DNTT: variants seen among roughly 807,000 people sequenced by gnomAD.
DNTT encodes the protein DNA nucleotidylexotransferase.
A neutral mutation model predicts 60.9 loss-of-function variants in DNTT; 47 were observed. The observed-to-expected ratio is 0.77, with a 90% CI of 0.61 to 0.98. The LOEUF (loss-of-function observed/expected upper bound fraction) is 0.98, where lower values mean the gene tolerates loss of function less well. Ranked by LOEUF, DNTT falls within the 50% of genes least tolerant of loss-of-function variation. The pLI is 0.00. For missense variants in DNTT, 665 were observed against 627.5 expected (o/e 1.06, Z -0.64); for synonymous variants, 224 against 221.2 (o/e 1.01, Z -0.11).
intron 1 of DNTT, among the ~76,000 whole-genome samples, chr10:96,314,636 T>A (rs888244558): frequency 2.6e-5 from 4 of 151,652 alleles, no homozygotes; most frequent in African/African-American, 9.7e-5. Context: ...ATGGTCTTGA[T>A]CTCCTGACCT....
intron 1 of DNTT, among the ~76,000 whole-genome samples, chr10:96,313,647 A>C (rs1844748000): frequency 6.6e-6 from 1 of 152,142 alleles, no homozygotes; most frequent in Non-Finnish European, 1.5e-5. Context: ...ATATGTGCAC[A>C]TGTGTGTATG....
At chr10:96,311,685 C>T (rs1844715939) in intron 1 of DNTT, among the ~76,000 whole-genome samples, 1 of 152,176 alleles carries the variant, frequency 6.6e-6, no homozygotes, top group African/African-American at 2.4e-5. Context: ...GCTCTATCAC[C>T]CAGGCTGGAG....
At chr10:96,331,382 T>C (rs1266014397) in intron 8 of DNTT, among the ~76,000 whole-genome samples, 4 of 152,178 alleles carry the variant, frequency 2.6e-5, no homozygotes. Context: ...TGGCCCATGG[T>C]TCTGCAGGAT....
Position 96,320,696 on chromosome 10 carries a change from T to G in DNTT, c.586T>G (p.Ser196Ala). The G allele has an allele frequency of 6.2e-7, 1 of 1,613,834 alleles. No individual in the cohort carries two copies. Among genetic ancestry groups the G allele is most frequent in the Non-Finnish European group, 8.5e-7 (1 of 1,179,810 alleles). The change falls in exon 4 of 11, where the codon TCT (serine) becomes GCT (alanine). Residue 196 changes from serine to alanine, a missense_variant. Transcript: ENST00000371174. ...CTGTGTGACATTTATGAGAGCAGCTTCTGTATTGAAATCTCTGCCATTCAC... is the reference window on the plus strand; with the variant it reads ...CTGTGTGACATTTATGAGAGCAGCTGCTGTATTGAAATCTCTGCCATTCAC... ...DSCVTFMRAA[S>A]VLKSLPFTII...
At chr10:96,314,522 T>C (rs1282221000) in intron 1 of DNTT, among the ~76,000 whole-genome samples, 2 of 149,128 alleles carry the variant, frequency 1.3e-5, no homozygotes, top group Non-Finnish European at 1.5e-5. Flanking sequence ...AAGTGATTCT[T>C]CTGCCTCAGC....
At chr10:96,304,888 T>A (rs538029055) in intron 1 of DNTT, among the ~76,000 whole-genome samples, 188 bp downstream of exon 1, 1 of 152,354 alleles carries the variant, frequency 6.6e-6, no homozygotes, top group African/African-American at 2.4e-5. Context: ...AATACAATTA[T>A]ATTGAAACTA....
Position 96,319,394 on chromosome 10 carries a change from A to C in DNTT, c.507+4A>C. 1.9e-6 allele frequency: 3 copies of C among 1,613,560 alleles called. No homozygotes were observed. Among genetic ancestry groups the C allele is most frequent in the Non-Finnish European group, 2.5e-6 (3 of 1,179,600 alleles). On this transcript the variant is annotated splice_donor_region_variant and intron_variant, in intron 3 of 10. Coordinates refer to ENST00000371174, the MANE Select transcript of DNTT (RefSeq NM_004088.4). The stretch of plus-strand genomic sequence containing the variant: ...CAACTGTAACCAGATATTCACGGTA[A>C]CGGGACTTTACATCAACACCCAGGG...
rs774258749 is a variant in DNTT at position 96,304,515 on chromosome 10, G to A, written c.18G>A (p.Ala6=). 1.7e-5 allele frequency: 27 copies of A among 1,613,816 alleles called. No homozygotes were observed. Among genetic ancestry groups the A allele is most frequent in the East Asian group, 8.9e-5 (4 of 44,868 alleles). The change falls in exon 1 of 11, where the codon GCG becomes GCA. Residue 6 remains alanine (A), a synonymous_variant. Transcript: ENST00000371174. MDPPR[A]SHLSPRKKRP... ...CTCTTCCCATGGATCCACCACGAGC[G>A]TCCCACTTGAGCCCTCGGAAGAAGA...
Position 96,314,402 on chromosome 10 carries a change from C to T in DNTT, c.204-3950C>T, listed in dbSNP as rs12220986. On this transcript the variant is annotated intron_variant, in intron 1 of 10. Transcript: ENST00000371174. ...TAACATTTCCAAGGCTATCTCTTCC[C>T]TTTTTTTTTTTTTTTTTTTTTTTTT... Among the ~76,000 whole-genome samples, 107 of 53,206 alleles carry T rather than the reference C, an allele frequency of 2.0e-3. 1 individual carries two copies. The East Asian group carries it at 0.022, about 11-fold the overall frequency. The allele number at this position is 53,206 out of a possible 152,430, so 34.9% of individuals were successfully genotyped here. A position where few individuals can be genotyped will look rare whatever the true frequency, so the allele number is the denominator to read the frequency against.
chr10:96,333,860 C>A (rs545551649), intron 9 of DNTT, among the ~76,000 whole-genome samples: 3 of 152,270 alleles, frequency 2.0e-5, no homozygotes, highest in African/African-American at 7.2e-5. Context: ...AAAGGGTCAA[C>A]AAGTACAAAG....
Position 96,318,472 on chromosome 10 carries a change from C to T in DNTT, c.324C>T (p.Ile108=), listed in dbSNP as rs545054513. 20 of 1,613,766 alleles carry T rather than the reference C, an allele frequency of 1.2e-5. No individual in the cohort carries two copies. The highest frequency in any genetic ancestry group is 3.3e-4 in the Middle Eastern group (2 of 6,058). ...AGCTCCTCGATGTCTCCTGGCTGAT[C>T]GAATGCATAAGAGCAGGGAAACCGG... The part of the protein sequence containing the change: ...QPELLDVSWL[I]ECIRAGKPVE... Residue 108 remains isoleucine (I), a synonymous_variant, in exon 2 of 11, where the codon ATC becomes ATT. Coordinates refer to ENST00000371174, the MANE Select transcript of DNTT (RefSeq NM_004088.4).
rs375349565 is a variant in DNTT at position 96,338,211 on chromosome 10, A to G, written c.1517A>G (p.Glu506Gly). 13 of 1,611,624 alleles carry G rather than the reference A, an allele frequency of 8.1e-6. No homozygotes were observed. Among genetic ancestry groups the G allele is most frequent in the Non-Finnish European group, 1.0e-5 (12 of 1,179,408 alleles). Reference sequence around the variant, plus strand: ...GGATTGGATTATATTGAACCGTGGGAAAGAAATGCCTAGGAAAGTGTTGTC... The same window carrying G: ...GGATTGGATTATATTGAACCGTGGGGAAGAAATGCCTAGGAAAGTGTTGTC... ...HLGLDYIEPW[E>G]RNA The change falls in exon 11 of 11, where the codon GAA becomes GGA. Residue 506 changes from glutamate (E) to glycine (G), a missense_variant. Coordinates refer to ENST00000371174, the MANE Select transcript of DNTT (RefSeq NM_004088.4).
At position 96,324,377 on chromosome 10, in the gene DNTT, A is replaced by G. The variant is rs1209234045; in HGVS notation, c.862A>G (p.Met288Val). ...GGACAAAAGCCTGAAATTTACACGA[A>G]TGCAGAAAGCAGGTAAATTGTCTCT... The part of the protein sequence containing the change: ...RSDKSLKFTR[M>V]QKAGFLYYED... Residue 288 changes from methionine to valine, a missense_variant, in exon 6 of 11, where the codon ATG becomes GTG. Coordinates refer to ENST00000371174, the MANE Select transcript of DNTT (RefSeq NM_004088.4). 5.0e-6 allele frequency: 8 copies of G among 1,613,832 alleles called. No individual in the cohort carries two copies. Among genetic ancestry groups the G allele is most frequent in the Non-Finnish European group, 6.8e-6 (8 of 1,179,778 alleles).
chr10:96,324,449 C>T, intron 6 of DNTT, 60 bp downstream of exon 6: 1 of 1,599,500 alleles, frequency 6.3e-7, no homozygotes, highest in South Asian at 1.1e-5. Flanking sequence ...TGGTGGAGCT[C>T]TAAGTCAGTT....
At chr10:96,308,671 G>A (rs980530148) in intron 1 of DNTT, among the ~76,000 whole-genome samples, 1 of 152,204 alleles carries the variant, frequency 6.6e-6, no homozygotes, top group Non-Finnish European at 1.5e-5. Flanking sequence ...GGGTGCAAGC[G>A]AGCTGAGTCT....
chr10:96,316,803 T>C (rs566628581), intron 1 of DNTT, among the ~76,000 whole-genome samples: 10 of 152,356 alleles, frequency 6.6e-5, no homozygotes, highest in Admixed American at 5.2e-4. Context: ...CTTGTCATAA[T>C]TCACATCATA....
At chr10:96,335,475 G>T (rs1278898119) in intron 9 of DNTT, among the ~76,000 whole-genome samples, 1 of 152,158 alleles carries the variant, frequency 6.6e-6, no homozygotes, top group Non-Finnish European at 1.5e-5. Context: ...GGCTGGAACG[G>T]GTTCCCTGAC....
chr10:96,307,699 GTGTGTGTATATATATATATA>G (rs1844657538), intron 1 of DNTT, among the ~76,000 whole-genome samples: 1 of 68,890 alleles, frequency 1.5e-5, no homozygotes, highest in Non-Finnish European at 2.9e-5. Context: ...ATGTGTGTGT[GTGTGTGTATATATATATATA>G]TATATATATA....
intron 6 of DNTT, 128 bp downstream of exon 6, chr10:96,324,517 G>T: frequency 7.1e-7 from 1 of 1,411,290 alleles, no homozygotes; most frequent in Non-Finnish European, 9.6e-7. Flanking sequence ...ATTGATGCTT[G>T]GATCTAAATC....
Sources: gnomAD v4.1 joint callset for allele counts (sites outside exome capture counted in the v4.1 genomes callset) on GRCh38, gnomAD v4.1.1 for gene constraint, MANE v1.5 for transcripts, NCBI Gene and HGNC (gene_info 2026-07-23, HGNC 2026-07-21) for gene names.